NUP98: variants seen among roughly 807,000 people sequenced by gnomAD.
The protein encoded by NUP98 is nuclear pore complex protein Nup98-Nup96.
NUP98 carries 26 observed loss-of-function variants against 191.9 expected under a neutral mutation model. That is an observed-to-expected ratio of 0.14 (90% CI 0.10 to 0.19). The LOEUF is 0.19. Ranked by LOEUF, NUP98 falls within the 10% of genes least tolerant of loss-of-function variation. The pLI is 1.00. For missense variants in NUP98, 1,941 were observed against 2,178.8 expected (o/e 0.89, Z 2.17); for synonymous variants, 808 against 778.4 (o/e 1.04, Z -0.63).
chr11:3,758,257 C>T lies in NUP98; in HGVS notation c.1174+2282G>A, dbSNP rs1161545262. On this transcript the variant is annotated intron_variant, in intron 10 of 32. Coordinates refer to ENST00000324932, the MANE Select transcript of NUP98 (RefSeq NM_016320.5). ...AATGGCGTGAACCCAGGAGGCAGGG[C>T]TTGCAGTGAGCCCATATCTGGCCAC... Among the ~76,000 whole-genome samples, 5 of 151,066 alleles carry T rather than the reference C, an allele frequency of 3.3e-5. No homozygotes were observed. The East Asian group carries it at 7.9e-4, about 24-fold the overall frequency.
intron 13 of NUP98, among the ~76,000 whole-genome samples, chr11:3,732,162 C>T (rs1403801765): frequency 6.6e-6 from 1 of 152,122 alleles, no homozygotes; most frequent in Non-Finnish European, 1.5e-5. Context: ...GCATGGGAAT[C>T]GCTTGAACCC....
intron 31 of NUP98, 173 bp downstream of exon 31, chr11:3,679,381 C>T (rs1482562466): frequency 2.4e-5 from 19 of 790,880 alleles, no homozygotes; most frequent in East Asian, 5.0e-5. Context: ...TTTTAAGTTT[C>T]GATATAGCTG....
chr11:3,722,971 A>T (rs2079460438), intron 16 of NUP98, among the ~76,000 whole-genome samples, 186 bp downstream of exon 16: 1 of 152,238 alleles, frequency 6.6e-6, no homozygotes, highest in Non-Finnish European at 1.5e-5. Context: ...TAAGGTCCAA[A>T]GAGTATGTGA....
intron 7 of NUP98, among the ~76,000 whole-genome samples, chr11:3,769,609 TA>T (rs1368215067): frequency 7.3e-6 from 1 of 137,020 alleles, no homozygotes; most frequent in Non-Finnish European, 1.6e-5. Flanking sequence ...CATACTAAAC[TA>T]AATCATGGAA....
At chr11:3,702,933 A>G (rs1482802632) in intron 22 of NUP98, 41 bp from the exon 23 acceptor site, 1 of 1,474,914 alleles carries the variant, frequency 6.8e-7, no homozygotes, top group Admixed American at 2.0e-5. Context: ...GACTATTACA[A>G]AACACAAGCT....
intron 25 of NUP98, among the ~76,000 whole-genome samples, chr11:3,696,476 T>C (rs574553774): frequency 2.2e-4 from 34 of 151,484 alleles, no homozygotes; most frequent in Middle Eastern, 6.9e-3. Flanking sequence ...CACTCCAGCC[T>C]GGGTGACAGA....
At chr11:3,698,969 T>A in intron 25 of NUP98, 113 bp downstream of exon 25, 1 of 1,219,978 alleles carries the variant, frequency 8.2e-7, no homozygotes, top group Non-Finnish European at 1.2e-6. Context: ...AAGTCCGCAA[T>A]TAATACTCAT....
chr11:3,694,659 G>A (rs2078443900), intron 26 of NUP98, among the ~76,000 whole-genome samples: 1 of 151,700 alleles, frequency 6.6e-6, no homozygotes, highest in African/African-American at 2.4e-5. Flanking sequence ...AGAATGAGGT[G>A]AACTTGGGAG....
At chr11:3,681,763 T>G (rs2077992150) in intron 30 of NUP98, among the ~76,000 whole-genome samples, 1 of 152,166 alleles carries the variant, frequency 6.6e-6, no homozygotes. Flanking sequence ...CCCTAGGATT[T>G]TTAGAATGGT....
intron 25 of NUP98, chr11:3,697,291 T>C (rs2078539156): frequency 2.0e-5 from 3 of 152,178 alleles, no homozygotes; most frequent in African/African-American, 7.2e-5. Context: ...CCAGGCTAAA[T>C]GTGTAGTGAC....
At chr11:3,744,046 G>A (rs896020977) in intron 12 of NUP98, among the ~76,000 whole-genome samples, 3 of 152,078 alleles carry the variant, frequency 2.0e-5, no homozygotes, top group Admixed American at 6.6e-5. Context: ...GCAACAGCGC[G>A]AGACTCCTTT....
Position 3,722,316 on chromosome 11 carries a change from A to C in NUP98, c.2146+841T>G, listed in dbSNP as rs569745783. Among the ~76,000 whole-genome samples the C allele has an allele frequency of 2.0e-5, 3 of 151,830 alleles. No individual in the cohort carries two copies. In the East Asian group the frequency reaches 5.8e-4, roughly 29 times the overall value. On this transcript the variant is annotated intron_variant, in intron 16 of 32. Coordinates refer to ENST00000324932, the MANE Select transcript of NUP98 (RefSeq NM_016320.5). The stretch of plus-strand genomic sequence containing the variant: ...TTTATTGTAGATATCAGGTCTTGCT[A>C]TGTTGCCCAGACTGATTTCAAACTT...
chr11:3,699,355 C>A lies in NUP98; in HGVS notation c.3743-7G>T. 6.2e-7 allele frequency: 1 copy of A among 1,611,070 alleles called. No individual in the cohort carries two copies. The stretch of plus-strand genomic sequence containing the variant: ...AGGCTCCAGTGCTTCACAACTAAGG[C>A]AGGAAGAGAAAAACAATGTTACGAG... On this transcript the variant is annotated splice_region_variant and splice_polypyrimidine_tract_variant and intron_variant, in intron 24 of 32. Coordinates refer to ENST00000324932, the MANE Select transcript of NUP98 (RefSeq NM_016320.5).
chr11:3,787,306 C>A (rs1021434448), intron 1 of NUP98, among the ~76,000 whole-genome samples: 8 of 152,174 alleles, frequency 5.3e-5, no homozygotes, highest in African/African-American at 1.9e-4. Flanking sequence ...TAAGGCCGGG[C>A]ACGGTGGCTC....
intron 11 of NUP98, among the ~76,000 whole-genome samples, chr11:3,746,353 C>A (rs1038750683): frequency 1.4e-5 from 2 of 140,120 alleles, no homozygotes; most frequent in South Asian, 2.3e-4. Flanking sequence ...TAGTAATTAA[C>A]GCAAGCTCCA....
intron 11 of NUP98, among the ~76,000 whole-genome samples, chr11:3,749,562 T>G (rs938459959): frequency 2.0e-5 from 3 of 147,930 alleles, no homozygotes; most frequent in Non-Finnish European, 4.5e-5. Context: ...GAGGCGGAGG[T>G]TGCCATGAGC....
intron 20 of NUP98, among the ~76,000 whole-genome samples, chr11:3,708,003 A>C (rs2078914483): frequency 6.6e-6 from 1 of 152,112 alleles, no homozygotes; most frequent in Non-Finnish European, 1.5e-5. Context: ...TAGGAGGCTG[A>C]GGCAGGAAAA....
At chr11:3,754,832 C>T (rs1338875284) in intron 10 of NUP98, among the ~76,000 whole-genome samples, 1 of 150,644 alleles carries the variant, frequency 6.6e-6, no homozygotes, top group Non-Finnish European at 1.5e-5. Flanking sequence ...ATCCCAACCA[C>T]TTGGGAGGCT....
rs1459597714 is a variant in NUP98 at position 3,702,311 on chromosome 11, ACACTCTCTCTCTCTCTCT to A, written c.3512+134_3512+151del. 2.0e-3 allele frequency: 834 copies of A among 423,830 alleles called. 6 individuals are homozygous for A. The African/African-American group carries it at 0.031, about 16-fold the overall frequency. 26.3% of individuals were successfully genotyped at this position (423,830 alleles called of 1,614,324 possible). The stretch of plus-strand genomic sequence containing the variant: ...CACACACACACACACACACACACAC[ACACTCTCTCTCTCTCTCT>A]CTCTCTCTCTCTCTCTCTCTCTCTC... On this transcript the variant is annotated intron_variant, in intron 23 of 32. Transcript: ENST00000324932.
Sources: allele counts gnomAD v4.1 joint callset (sites outside exome capture counted in the v4.1 genomes callset), GRCh38; gene constraint gnomAD v4.1.1; transcripts MANE v1.5; gene names NCBI Gene and HGNC (gene_info 2026-07-23, HGNC 2026-07-21).